Variants in RFX8 observed in about 807,000 individuals in gnomAD.
The protein encoded by RFX8 is DNA-binding protein RFX8.
RFX8 carries 46 observed loss-of-function variants against 54.6 expected under a neutral mutation model. The ratio of observed to expected loss-of-function variants is 0.84; its 90% CI spans 0.67 to 1.08. The LOEUF (loss-of-function observed/expected upper bound fraction) is 1.08, where lower values mean the gene tolerates loss of function less well. Ranked by LOEUF, RFX8 falls within the 50% of genes least tolerant of loss-of-function variation. The pLI, the probability that RFX8 is intolerant of heterozygous loss-of-function variation, is 0.00. For missense variants in RFX8, 536 were observed against 562.3 expected, an observed-to-expected ratio of 0.95 and a Z score of 0.47; for synonymous variants, 192 against 209.5, an observed-to-expected ratio of 0.92 and a Z score of 0.72.
intron 2 of RFX8, among the ~76,000 whole-genome samples, chr2:101,425,478 T>C (rs903536814): frequency 6.6e-6 from 1 of 152,218 alleles, no homozygotes; most frequent in Non-Finnish European, 1.5e-5. Context: ...TACAGAAATG[T>C]CTACATTTCA....
At chr2:101,447,064 G>A (rs930949028) in intron 2 of RFX8, among the ~76,000 whole-genome samples, 2 of 152,184 alleles carry the variant, frequency 1.3e-5, no homozygotes, top group Admixed American at 6.5e-5. Flanking sequence ...CTTTATTTGA[G>A]GTTGAGTTTG....
At chr2:101,461,288 AAAAAGAAAAAG>A (rs1321400819) in intron 2 of RFX8, among the ~76,000 whole-genome samples, 1 of 150,042 alleles carries the variant, frequency 6.7e-6, no homozygotes, top group Admixed American at 6.6e-5. Context: ...AAAAAGAAAG[AAAAAGAAAAAG>A]AAAAGAAAAA....
chr2:101,474,536 T>C, intron 1 of RFX8, 100 bp downstream of exon 1: 1 of 313,970 alleles, frequency 3.2e-6, no homozygotes, highest in South Asian at 1.6e-4. Flanking sequence ...CCCTGCATCC[T>C]GCGGTGTGGG....
chr2:101,436,630 T>C (rs528550162), intron 2 of RFX8, among the ~76,000 whole-genome samples: 7 of 152,038 alleles, frequency 4.6e-5, no homozygotes, highest in Non-Finnish European at 8.8e-5. Context: ...GCATAAAACA[T>C]TGGGGAAAGA....
In RFX8 at chr2:101,418,858, A is replaced by G. The variant is rs1167125967; in HGVS notation, c.344T>C (p.Leu115Pro). The G allele has an allele frequency of 6.5e-7, 1 of 1,546,964 alleles. No individual in the cohort carries two copies. The highest frequency in any genetic ancestry group is 1.4e-5 in the African/African-American group (1 of 73,056). The change falls in exon 5 of 12, where the codon CTG (leucine) becomes CCG (proline). Residue 115 changes from leucine (L) to proline (P), a missense_variant. Leu to Pro is a moderately conservative substitution (Grantham distance 98). Transcript: ENST00000428343. ...ACTCACGCGTCCTCCTACCTTGTAC[A>G]GCTGGACGTCGTAGCATTTAAAGAG... ...CQLFKCYDVQ[L>P]YKGIEDVLLH...
chr2:101,446,824 C>T (rs1428520418), intron 2 of RFX8, among the ~76,000 whole-genome samples: 5 of 136,386 alleles, frequency 3.7e-5, no homozygotes, highest in African/African-American at 1.4e-4. Flanking sequence ...TGGGGGGGCA[C>T]ACAATGGAAT....
intron 6 of RFX8, among the ~76,000 whole-genome samples, chr2:101,416,198 G>C (rs569615021): frequency 8.5e-5 from 13 of 152,248 alleles, no homozygotes; most frequent in Admixed American, 7.8e-4. Flanking sequence ...GGCTGGGGAG[G>C]GGGGTGGAAG....
At chr2:101,460,882 G>T (rs1238859491) in intron 2 of RFX8, among the ~76,000 whole-genome samples, 3 of 151,748 alleles carry the variant, frequency 2.0e-5, no homozygotes, top group Non-Finnish European at 4.4e-5. Context: ...CAAGACAAAA[G>T]AGCAGGGCAA....
intron 9 of RFX8, among the ~76,000 whole-genome samples, chr2:101,409,934 G>A (rs1686000186): frequency 6.6e-6 from 1 of 152,214 alleles, no homozygotes; most frequent in South Asian, 2.1e-4. Context: ...ATCAAGCCCA[G>A]GATCCCACTG....
chr2:101,410,547 C>A, intron 9 of RFX8, 72 bp downstream of exon 9: 1 of 793,550 alleles, frequency 1.3e-6, no homozygotes, highest in Non-Finnish European at 2.1e-6. Context: ...TTTCCCATCC[C>A]TTAGGCAATG....
intron 4 of RFX8, among the ~76,000 whole-genome samples, chr2:101,420,779 AC>A (rs1018555275): frequency 2.6e-5 from 4 of 152,094 alleles, no homozygotes; most frequent in Admixed American, 2.6e-4. Context: ...CTTCTCTGTT[AC>A]CCTTCTCTGG....
intron 2 of RFX8, among the ~76,000 whole-genome samples, chr2:101,441,524 T>C (rs13014187): frequency 0.76 from 115,701 of 152,086 alleles, 44,910 homozygotes; most frequent in Middle Eastern, 0.89. Flanking sequence ...AGGCCCTCAC[T>C]GGATGTGGCC....
chr2:101,439,615 GT>G (rs1468324525), intron 2 of RFX8, among the ~76,000 whole-genome samples: 1 of 131,462 alleles, frequency 7.6e-6, no homozygotes, highest in East Asian at 2.0e-4. Context: ...TTTTTTGCCT[GT>G]GGGTTTCTAA....
chr2:101,437,642 G>T (rs6714459), intron 2 of RFX8, among the ~76,000 whole-genome samples: 115,059 of 151,884 alleles, frequency 0.76, 44,496 homozygotes, highest in Middle Eastern at 0.89. Flanking sequence ...AAGGAAGGAA[G>T]GAAAGAAATA....
At chr2:101,434,187 C>T (rs1322762149) in intron 2 of RFX8, among the ~76,000 whole-genome samples, 2 of 152,066 alleles carry the variant, frequency 1.3e-5, no homozygotes, top group African/African-American at 4.8e-5. Flanking sequence ...AGAATATTAC[C>T]TATTCTATGA....
intron 2 of RFX8, among the ~76,000 whole-genome samples, chr2:101,446,867 C>T (rs1688414940): frequency 6.6e-6 from 1 of 152,154 alleles, no homozygotes; most frequent in Non-Finnish European, 1.5e-5. Context: ...CAGGAGCCTA[C>T]AGATCAGCAA....
rs778590926 is a variant in RFX8 at position 101,402,484 on chromosome 2, C to T, written c.1197G>A (p.Met399Ile). 6.4e-7 allele frequency: 1 copy of T among 1,551,666 alleles called. No homozygotes were observed. Among genetic ancestry groups the T allele is most frequent in the South Asian group, 1.2e-5 (1 of 84,056 alleles). The stretch of plus-strand genomic sequence containing the variant: ...CCAGGAAGCCCAGGATCCTGAGGAC[C>T]ATGTTGCTCACACCCACGGGATATC... Reference protein sequence around the residue: ...QGRYPVGVSNMVLRILGFLVD... With the variant: ...QGRYPVGVSNIVLRILGFLVD... Residue 399 changes from methionine (M) to isoleucine (I), a missense_variant, in exon 11 of 12, where the codon ATG becomes ATA. Met to Ile is a conservative substitution (Grantham distance 10, BLOSUM62 1). Transcript: ENST00000428343.
intron 1 of RFX8, among the ~76,000 whole-genome samples, chr2:101,467,295 C>T (rs1202430134): frequency 1.3e-5 from 2 of 152,144 alleles, no homozygotes; most frequent in African/African-American, 2.4e-5. Flanking sequence ...GAATAAGACA[C>T]AAAACAATAC....
At chr2:101,439,948 C>T (rs1164659238) in intron 2 of RFX8, among the ~76,000 whole-genome samples, 1 of 152,146 alleles carries the variant, frequency 6.6e-6, no homozygotes, top group Non-Finnish European at 1.5e-5. Context: ...AGTACCACCC[C>T]ATCCTGATTG....
Sources: gnomAD v4.1 joint callset for allele counts (sites outside exome capture counted in the v4.1 genomes callset) on GRCh38, gnomAD v4.1.1 for gene constraint, MANE v1.5 for transcripts, NCBI Gene and HGNC (gene_info 2026-07-23, HGNC 2026-07-21) for gene names.